WDR62: variants seen among roughly 807,000 people sequenced by gnomAD.
WDR62 encodes the protein WD repeat domain 62, also known as WD repeat-containing protein 62.
A neutral mutation model predicts 160.6 loss-of-function variants in WDR62; 112 were observed. The observed-to-expected ratio is 0.70, with a 90% CI of 0.60 to 0.82. WDR62 has a LOEUF of 0.82. Among genes scored for constraint, WDR62 ranks in the 40% least tolerant of loss-of-function variants. The pLI is 0.00. For missense variants in WDR62, 1,819 were observed against 1,983.8 expected (o/e 0.92, Z 1.58); for synonymous variants, 792 against 815.1 (o/e 0.97, Z 0.48).
Position 36,065,938 on chromosome 19 carries a change from G to C in WDR62, c.333-20G>C, listed in dbSNP as rs1970913405. ...CCACCCTCAGCGGAACCAGTGATCA[G>C]CTCTTTTCTTTATCCCCAGGAAGTC... On this transcript the variant is annotated intron_variant, in intron 3 of 31. Coordinates refer to ENST00000401500, the MANE Select transcript of WDR62 (RefSeq NM_001083961.2). 3 of 1,614,012 alleles carry C rather than the reference G, an allele frequency of 1.9e-6. No individual in the cohort carries two copies. The highest frequency in any genetic ancestry group is 2.5e-6 in the Non-Finnish European group (3 of 1,179,864).
intron 1 of WDR62, among the ~76,000 whole-genome samples, chr19:36,056,705 G>C (rs978524463): frequency 6.6e-6 from 1 of 152,190 alleles, no homozygotes; most frequent in African/African-American, 2.4e-5. Flanking sequence ...ATAGCAAAGT[G>C]GCTAAGAGCA....
At chr19:36,063,660 A>G (rs372393583) in intron 3 of WDR62, among the ~76,000 whole-genome samples, 2 of 152,332 alleles carry the variant, frequency 1.3e-5, no homozygotes, top group Non-Finnish European at 2.9e-5. Flanking sequence ...TTTGGCAGGA[A>G]CAGACCAGAA....
At chr19:36,062,088 A>C (rs1340904967) in intron 3 of WDR62, 1 of 152,102 alleles carries the variant, frequency 6.6e-6, no homozygotes, top group Admixed American at 6.5e-5. Flanking sequence ...CTGGGACCAC[A>C]GGCATGTGCC....
chr19:36,071,312 G>C (rs1971284805), intron 7 of WDR62, among the ~76,000 whole-genome samples: 1 of 152,122 alleles, frequency 6.6e-6, no homozygotes, highest in Non-Finnish European at 1.5e-5. Context: ...ACGTTTCTCT[G>C]TAGACAGCAG....
intron 1 of WDR62, among the ~76,000 whole-genome samples, chr19:36,056,178 TA>T (rs1970360015): frequency 6.6e-6 from 1 of 152,012 alleles, no homozygotes; most frequent in South Asian, 2.1e-4. Context: ...AATAAATAAA[TA>T]AATAAATTAT....
At chr19:36,059,500 G>A (rs183256113) in intron 2 of WDR62, among the ~76,000 whole-genome samples, 1 of 152,228 alleles carries the variant, frequency 6.6e-6, no homozygotes, top group African/African-American at 2.4e-5. Context: ...ATGCAATAGT[G>A]TGAATAACAG....
chr19:36,078,790 C>A (rs1268526030), intron 9 of WDR62, among the ~76,000 whole-genome samples: 17 of 143,620 alleles, frequency 1.2e-4, no homozygotes, highest in Admixed American at 2.1e-4. Context: ...GAGCCAAGAT[C>A]GTGCCATTGC....
rs748103178 is a variant in WDR62, at chr19:36,091,311, G to C, written c.2146G>C (p.Glu716Gln). The stretch of plus-strand genomic sequence containing the variant: ...CATTGCCAAGATGTTTGGCCATTCA[G>C]GTGGGTGTGCCTCTCTGCTTGGGAT... ...ECIAKMFGHS[E>Q]IITSMKFTYD... The change falls in exon 17 of 32, where the codon GAA (glutamate) becomes CAA (glutamine). Residue 716 changes from glutamate (E) to glutamine (Q), a missense_variant and splice_region_variant. This residue lies in a region of WDR62 where 934 missense variants were observed against 1,157.2 expected (regional missense o/e 0.81). Transcript: ENST00000401500. 6.2e-7 allele frequency: 1 copy of C among 1,614,026 alleles called. No individual in the cohort carries two copies. Among genetic ancestry groups the C allele is most frequent in the South Asian group, 1.1e-5 (1 of 91,064 alleles).
At chr19:36,086,056 G>T (rs1428500030) in intron 12 of WDR62, among the ~76,000 whole-genome samples, 4 of 151,966 alleles carry the variant, frequency 2.6e-5, no homozygotes, top group Non-Finnish European at 4.4e-5. Flanking sequence ...TACAGAGTTG[G>T]TGGAGTTATA....
At chr19:36,106,928 C>T (rs1325460912), downstream of WDR62, among the ~76,000 whole-genome samples, 2 of 152,090 alleles carry the variant, frequency 1.3e-5, no homozygotes, top group African/African-American at 4.8e-5. Flanking sequence ...AGGCCTAGGC[C>T]CATCTGCCTA....
intron 3 of WDR62, among the ~76,000 whole-genome samples, chr19:36,064,105 T>C (rs1216049862): frequency 6.6e-6 from 1 of 152,124 alleles, no homozygotes; most frequent in African/African-American, 2.4e-5. Flanking sequence ...CCAGACAGCA[T>C]TTGCCAGAGG....
chr19:36,067,547 G>A (rs1971007921), intron 6 of WDR62, 104 bp downstream of exon 6: 4 of 1,542,394 alleles, frequency 2.6e-6, no homozygotes, highest in Admixed American at 3.4e-5. Flanking sequence ...GCGGTCTCGG[G>A]CCATTTGGCC....
chr19:36,060,468 G>C (rs1312762177), intron 3 of WDR62: 1 of 201,836 alleles, frequency 5.0e-6, no homozygotes, highest in Non-Finnish European at 1.0e-5. Flanking sequence ...GAAGGGCAAA[G>C]GCCCTGCAGT....
Position 36,099,456 on chromosome 19 carries a change from C to T in WDR62, c.2578C>T (p.Pro860Ser), listed in dbSNP as rs200490970. 1 of 1,613,878 alleles carries T rather than the reference C, an allele frequency of 6.2e-7. No individual in the cohort carries two copies. The highest frequency in any genetic ancestry group is 2.2e-5 in the East Asian group (1 of 44,882). The change falls in exon 22 of 32, where the codon CCC becomes TCC. Residue 860 changes from proline to serine, a missense_variant. Physicochemically the swap from Pro to Ser is moderately conservative, Grantham distance 74. Coordinates refer to ENST00000401500, the MANE Select transcript of WDR62 (RefSeq NM_001083961.2). ...CTTCCACGCCAAGCGCAGCTACCAG[C>T]CCCACGGCCGCTGGGCAGAGCGGGC... ...LAFHAKRSYQ[P>S]HGRWAERAGQ...
chr19:36,100,754 A>G lies in WDR62; in HGVS notation c.2746A>G (p.Ser916Gly), dbSNP rs1463535640. 6.8e-6 allele frequency: 11 copies of G among 1,613,980 alleles called. No homozygotes were observed. The highest frequency in any genetic ancestry group is 4.0e-5 in the African/African-American group (3 of 74,942). Residue 916 changes from serine to glycine, a missense_variant, in exon 23 of 32, where the codon AGT (serine) becomes GGT (glycine). Coordinates refer to ENST00000401500, the MANE Select transcript of WDR62 (RefSeq NM_001083961.2). ...TGTGCTGTCTTCCCCATAGTCAGAG[A>G]GTCCCCAGGAAGCTGGCCGCGGGCA... ...SLASLLSESESPQEAGRGHPS... is the reference protein window; with the variant it reads ...SLASLLSESEGPQEAGRGHPS...
At chr19:36,102,238 G>A in intron 26 of WDR62, 87 bp downstream of exon 26, 1 of 1,587,976 alleles carries the variant, frequency 6.3e-7, no homozygotes, top group South Asian at 1.1e-5. Context: ...CTCCCCAGCA[G>A]GGCCAGGAGG....
intron 3 of WDR62, chr19:36,060,305 G>A (rs545246419): frequency 3.0e-5 from 15 of 496,692 alleles, no homozygotes; most frequent in Non-Finnish European, 5.1e-5. Flanking sequence ...AGGAAATGAT[G>A]GAGGATGTCT....
chr19:36,101,907 C>T (rs1404588124), intron 25 of WDR62, 107 bp from the exon 26 acceptor site: 24 of 1,568,048 alleles, frequency 1.5e-5, no homozygotes, highest in African/African-American at 5.4e-5. Context: ...TCTCAGCCTG[C>T]GGGCAACAGG....
chr19:36,091,003 G>T (rs1972566485), intron 16 of WDR62, among the ~76,000 whole-genome samples, 197 bp from the exon 17 acceptor site: 1 of 152,286 alleles, frequency 6.6e-6, no homozygotes, highest in African/African-American at 2.4e-5. Context: ...CATGTTCAGT[G>T]CTTAGCACAG....
Sources: gnomAD v4.1 joint callset for allele counts (sites outside exome capture counted in the v4.1 genomes callset) on GRCh38, gnomAD v4.1.1 for gene constraint, gnomAD v4.1.1 regional missense constraint, MANE v1.5 for transcripts, NCBI Gene and HGNC (gene_info 2026-07-23, HGNC 2026-07-21) for gene names.